Variants in GARNL3 observed in about 807,000 individuals in gnomAD.
The protein encoded by GARNL3 is GTPase-activating Rap/Ran-GAP domain-like protein 3.
Under a neutral mutation model 125.0 loss-of-function variants are expected in GARNL3, and 63 were observed. The ratio of observed to expected loss-of-function variants is 0.50; its 90% CI spans 0.41 to 0.62. GARNL3 has a LOEUF of 0.62. Among genes scored for constraint, GARNL3 ranks in the 20% least tolerant of loss-of-function variants. The pLI, the probability that GARNL3 is intolerant of heterozygous loss-of-function variation, is 0.00. For synonymous variants in GARNL3, 439 were observed against 457.5 expected (o/e 0.96, Z 0.52); for missense variants, 994 against 1,244.0 (o/e 0.80, Z 3.02).
chr9:127,230,945 AC>A (rs2062989054), intron 1 of GARNL3, among the ~76,000 whole-genome samples: 1 of 148,000 alleles, frequency 6.8e-6, no homozygotes, highest in Non-Finnish European at 1.5e-5. Flanking sequence ...GGAAGCTAAT[AC>A]AGGCAAACGA....
At chr9:127,326,638 G>C (rs1425599146) in intron 7 of GARNL3, among the ~76,000 whole-genome samples, 1 of 152,102 alleles carries the variant, frequency 6.6e-6, no homozygotes, top group African/African-American at 2.4e-5. Flanking sequence ...CACCCATAGT[G>C]CAAGAGTGAG....
At chr9:127,321,050 A>G (rs931436427) in intron 6 of GARNL3, among the ~76,000 whole-genome samples, 2 of 152,252 alleles carry the variant, frequency 1.3e-5, no homozygotes, top group Non-Finnish European at 2.9e-5. Context: ...TCCACGAACC[A>G]ATAGGGTGTA....
rs1175785553 is a variant in GARNL3 at position 127,242,589 on chromosome 9, G to A, written c.-28-490G>A. The stretch of plus-strand genomic sequence containing the variant: ...TATCTGCTATTACTCTTGAACTGTG[G>A]GCTTTAGTCCTTGTCTCCAGTGTTG... On this transcript the variant is annotated intron_variant, in intron 1 of 10. Coordinates refer to the GARNL3 transcript ENST00000439286. The surrounding 1 kb of genome is among the most constrained non-coding windows in gnomAD (Gnocchi z 4.6). Among the ~76,000 whole-genome samples, 1 of 152,064 alleles carries A rather than the reference G, an allele frequency of 6.6e-6. No individual in the cohort carries two copies. Among genetic ancestry groups the A allele is most frequent in the Admixed American group, 6.5e-5 (1 of 15,276 alleles).
chr9:127,267,867 A>G (rs2063736841), intron 1 of GARNL3, among the ~76,000 whole-genome samples: 1 of 152,240 alleles, frequency 6.6e-6, no homozygotes, highest in South Asian at 2.1e-4. Flanking sequence ...CTAAGATTAT[A>G]TAAAATTGAA....
At chr9:127,254,941 G>A (rs552653145) in intron 2 of GARNL3, among the ~76,000 whole-genome samples, 146 of 152,150 alleles carry the variant, frequency 9.6e-4, no homozygotes, top group Admixed American at 1.9e-3. Context: ...AATTAAAGCC[G>A]TACCTCAGTG....
intron 1 of GARNL3, among the ~76,000 whole-genome samples, chr9:127,290,428 G>A (rs538916470): frequency 3.9e-5 from 6 of 152,196 alleles, no homozygotes; most frequent in Non-Finnish European, 7.3e-5. Context: ...GGGCAGATGC[G>A]TTCTGATGAG....
At chr9:127,370,821 G>T (rs1831565145) in intron 22 of GARNL3, among the ~76,000 whole-genome samples, 1 of 152,068 alleles carries the variant, frequency 6.6e-6, no homozygotes, top group African/African-American at 2.4e-5. Context: ...TTTCCATCTG[G>T]CGTGCTCATT....
intron 1 of GARNL3, among the ~76,000 whole-genome samples, chr9:127,225,811 CCCT>C (rs1163555715): frequency 4.8e-4 from 72 of 150,850 alleles, no homozygotes; most frequent in South Asian, 1.9e-3. Context: ...GCCCCCGCGC[CCCT>C]CGCGCCCCTT....
Position 127,242,296 on chromosome 9 carries a change from T to C in GARNL3, c.-28-783T>C, listed in dbSNP as rs1175533516. Among the ~76,000 whole-genome samples the C allele has an allele frequency of 6.6e-6, 1 of 152,194 alleles. No homozygotes were observed. On this transcript the variant is annotated intron_variant, in intron 1 of 10. Coordinates refer to the GARNL3 transcript ENST00000439286. This position sits in a 1 kb window ranked among gnomAD's most constrained non-coding sequence, Gnocchi z 4.6. ...TTTTTATTTTTCCATTTCCAAGTAA[T>C]TGGATTTTGCTGGCTTGTTTGTCTG...
Position 127,330,945 on chromosome 9 carries a change from A to T in GARNL3, c.595-1329A>T, listed in dbSNP as rs117634095. Among the ~76,000 whole-genome samples the T allele has an allele frequency of 2.8e-3, 419 of 152,040 alleles. 6 individuals carry two copies. Among genetic ancestry groups the T allele is most frequent in the East Asian group, 0.024 (124 of 5,178 alleles). On this transcript the variant is annotated intron_variant, in intron 7 of 27. Transcript: ENST00000373387. ...GAACTTGGATTTTCGGATTTTTAAT[A>T]CTCTCAGATCCAGCTATCCTGAATC...
chr9:127,355,665 A>G lies in GARNL3; in HGVS notation c.1935+193A>G, dbSNP rs79902578. ...AGCTCATTCATTCCAGTGAACATCT[A>G]CGGGTGCTGTTCTAGGTACGAAGGA... On this transcript the variant is annotated intron_variant, in intron 20 of 27. Coordinates refer to ENST00000373387, the MANE Select transcript of GARNL3 (RefSeq NM_032293.5). 1.9e-3 allele frequency among the ~76,000 whole-genome samples: 290 copies of G among 152,336 alleles called. 1 individual carries two copies. Among genetic ancestry groups the G allele is most frequent in the African/African-American group, 6.4e-3 (268 of 41,562 alleles).
At position 127,385,521 on chromosome 9, in the gene GARNL3, T is replaced by C. The variant is rs564542040; in HGVS notation, c.2388+376T>C. Reference sequence around the variant, plus strand: ...ATCTTTCTTCCTTTCCCACCCTCTATCCTCAGTTTGAATTCTTAGCCTATG... The same window carrying C: ...ATCTTTCTTCCTTTCCCACCCTCTACCCTCAGTTTGAATTCTTAGCCTATG... On this transcript the variant is annotated intron_variant, in intron 24 of 27. Transcript: ENST00000373387. This position sits in a 1 kb window ranked among gnomAD's most constrained non-coding sequence, Gnocchi z 4.1. 6.6e-6 allele frequency among the ~76,000 whole-genome samples: 1 copy of C among 152,300 alleles called. No individual in the cohort carries two copies. The highest frequency in any genetic ancestry group is 2.4e-5 in the African/African-American group (1 of 41,558).
chr9:127,367,608 A>G (rs1002027961), intron 22 of GARNL3, among the ~76,000 whole-genome samples: 11 of 152,324 alleles, frequency 7.2e-5, no homozygotes, highest in African/African-American at 2.6e-4. Flanking sequence ...ATCTGTCTTT[A>G]ACTGTTTAAA....
chr9:127,334,200 G>A (rs1308764445), intron 9 of GARNL3, among the ~76,000 whole-genome samples: 1 of 152,150 alleles, frequency 6.6e-6, no homozygotes, highest in Non-Finnish European at 1.5e-5. Context: ...GGGGAAGGTA[G>A]GTAAGATTAC....
intron 4 of GARNL3, among the ~76,000 whole-genome samples, chr9:127,314,382 C>G (rs2131479445): frequency 6.6e-6 from 1 of 152,334 alleles, no homozygotes; most frequent in African/African-American, 2.4e-5. Flanking sequence ...GAAGGGGCCT[C>G]TGGTTCAAAT....
intron 9 of GARNL3, among the ~76,000 whole-genome samples, chr9:127,334,508 A>G (rs750730603): frequency 6.6e-6 from 1 of 152,128 alleles, no homozygotes; most frequent in Non-Finnish European, 1.5e-5. Context: ...CCCAGTTGTC[A>G]GGTTCCAGCT....
intron 17 of GARNL3, among the ~76,000 whole-genome samples, chr9:127,349,288 A>G (rs1830306006): frequency 6.6e-6 from 1 of 152,188 alleles, no homozygotes; most frequent in African/African-American, 2.4e-5. Context: ...TGGATATCAA[A>G]TGACCTGCAA....
intron 1 of GARNL3, among the ~76,000 whole-genome samples, chr9:127,231,047 TA>T (rs2062999958): frequency 8.8e-5 from 4 of 45,548 alleles, no homozygotes; most frequent in Admixed American, 3.0e-4. Flanking sequence ...TATATATATA[TA>T]TATTTTTTTT....
chr9:127,273,583 C>A (rs953250704), intron 1 of GARNL3, among the ~76,000 whole-genome samples: 2 of 152,152 alleles, frequency 1.3e-5, no homozygotes. Context: ...TTTGTTGGCC[C>A]CTCTCAGACT....
Sources: allele counts gnomAD v4.1 joint callset (sites outside exome capture counted in the v4.1 genomes callset), GRCh38; gene constraint gnomAD v4.1.1; non-coding constraint Gnocchi (gnomAD v3.1); transcripts MANE v1.5; gene names NCBI Gene and HGNC (gene_info 2026-07-23, HGNC 2026-07-21).